GLE1: variants seen among roughly 807,000 people sequenced by gnomAD.
GLE1 encodes GLE1 RNA export mediator, also known as mRNA export factor GLE1.
A neutral mutation model predicts 97.3 loss-of-function variants in GLE1; 78 were observed. The observed-to-expected ratio is 0.80, with a 90% confidence interval of 0.67 to 0.97. GLE1 has a LOEUF of 0.97. GLE1 is among the 50% of genes least tolerant of loss of function. GLE1 has a pLI of 0.00. For missense variants in GLE1, 753 were observed against 857.5 expected (o/e 0.88, Z 1.52); for synonymous variants, 302 against 313.4 (o/e 0.96, Z 0.39).
intron 3 of GLE1, among the ~76,000 whole-genome samples, chr9:128,518,243 A>G (rs1302056889): frequency 6.6e-6 from 1 of 151,828 alleles, no homozygotes; most frequent in African/African-American, 2.4e-5. Context: ...ATTGTCAGAC[A>G]ATTTGCAGAT....
Position 128,527,646 on chromosome 9 carries a change from C to T in GLE1, c.1312+121C>T, listed in dbSNP as rs180760459. 177 of 735,816 alleles carry T rather than the reference C, an allele frequency of 2.4e-4. No homozygotes were observed. In the African/African-American group the frequency reaches 2.4e-3, roughly 10 times the overall value. The allele number at this position is 735,816 out of a possible 1,614,324, so 45.6% of individuals were successfully genotyped here. A position where few individuals can be genotyped will look rare whatever the true frequency, so the allele number is the denominator to read the frequency against. ...TTCAAACAAATGTTTACAGTTGGAT[C>T]GGGTACATATAAGTGACATACATCT... On this transcript the variant is annotated intron_variant, in intron 9 of 15. Coordinates refer to ENST00000309971, the MANE Select transcript of GLE1 (RefSeq NM_001003722.2).
intron 3 of GLE1, 56 bp from the exon 4 acceptor site, chr9:128,522,612 G>GCACTCCAGT (rs1396266481): frequency 8.5e-6 from 13 of 1,521,328 alleles, no homozygotes; most frequent in Non-Finnish European, 1.1e-5. Flanking sequence ...ACTCCAGCCT[G>GCACTCCAGT]GCGACAGAGA....
At position 128,533,954 on chromosome 9, in the gene GLE1, A is replaced by G. The variant is rs749952712; in HGVS notation, c.1646+3A>G. Reference sequence around the variant, plus strand: ...ATGGCTTTGGAAGACTATCAGAGGTAAAGTTGTTTTTCTCCCTACTCACTA... The same window carrying G: ...ATGGCTTTGGAAGACTATCAGAGGTGAAGTTGTTTTTCTCCCTACTCACTA... On this transcript the variant is annotated splice_donor_region_variant and intron_variant, in intron 11 of 15. Coordinates refer to ENST00000309971, the MANE Select transcript of GLE1 (RefSeq NM_001003722.2). 2 of 1,596,712 alleles carry G rather than the reference A, an allele frequency of 1.3e-6. No individual in the cohort carries two copies. Among genetic ancestry groups the G allele is most frequent in the Non-Finnish European group, 1.7e-6 (2 of 1,164,174 alleles).
intron 12 of GLE1, among the ~76,000 whole-genome samples, chr9:128,537,291 A>G (rs1225078464): frequency 6.6e-6 from 1 of 151,262 alleles, no homozygotes; most frequent in Non-Finnish European, 1.5e-5. Flanking sequence ...CGTCTCTACT[A>G]AAAATACAAA....
At position 128,524,072 on chromosome 9, in the gene GLE1, C is replaced by CTTTTT. The variant is rs67466089; in HGVS notation, c.897+247_897+251dup. Among the ~76,000 whole-genome samples, 158 of 69,982 alleles carry CTTTTT rather than the reference C, an allele frequency of 2.3e-3. 1 individual carries two copies. Among genetic ancestry groups the CTTTTT allele is most frequent in the African/African-American group, 8.8e-3 (122 of 13,788 alleles). The allele number at this position is 69,982 out of a possible 152,430, so 45.9% of individuals were successfully genotyped here. A position where few individuals can be genotyped will look rare whatever the true frequency, so the allele number is the denominator to read the frequency against. On this transcript the variant is annotated intron_variant, in intron 6 of 15. Transcript: ENST00000309971. ...TTTTTATACCTGCTTATTCTGGAGTCTTTTTTTTTTTTTTTTTTTTTTTTT... is the reference window on the plus strand; with the variant it reads ...TTTTTATACCTGCTTATTCTGGAGTCTTTTTTTTTTTTTTTTTTTTTTTTTTTTTT...
In GLE1 at chr9:128,504,733, C is replaced by A; in HGVS notation, c.-73C>A. On this transcript the variant is annotated 5_prime_UTR_variant, in exon 1 of 16. Coordinates refer to ENST00000309971, the MANE Select transcript of GLE1 (RefSeq NM_001003722.2). ...GTCCCGGAAGCAGAAGCCTGTGTGG[C>A]CTTCCCGGCGGCTGATTCGAGGGCT... 2 of 1,024,530 alleles carry A rather than the reference C, an allele frequency of 2.0e-6. No individual in the cohort carries two copies. The highest frequency in any genetic ancestry group is 2.0e-4 in the Middle Eastern group (1 of 4,906). The allele number at this position is 1,024,530 out of a possible 1,614,324, so 63.5% of individuals were successfully genotyped here. A position where few individuals can be genotyped will look rare whatever the true frequency, so the allele number is the denominator to read the frequency against.
At chr9:128,540,190 C>T (rs1847844360) in intron 14 of GLE1, 85 bp from the exon 15 acceptor site, 2 of 947,654 alleles carry the variant, frequency 2.1e-6, no homozygotes, top group Non-Finnish European at 3.5e-6. Flanking sequence ...CGCTGCACTC[C>T]AGCCTAGGTG....
chr9:128,506,087 C>G (rs908354214), intron 1 of GLE1, among the ~76,000 whole-genome samples: 1 of 152,044 alleles, frequency 6.6e-6, no homozygotes, highest in Non-Finnish European at 1.5e-5. Context: ...GGCTCAGGCC[C>G]GTAATCCCAG....
At chr9:128,522,635 T>TG in intron 3 of GLE1, 33 bp from the exon 4 acceptor site, 1 of 1,266,698 alleles carries the variant, frequency 7.9e-7, no homozygotes, top group South Asian at 1.4e-5. Context: ...GATTCCATCT[T>TG]AAAAAAAAAA....
At chr9:128,506,447 T>G (rs190605603) in intron 1 of GLE1, among the ~76,000 whole-genome samples, 1 of 152,358 alleles carries the variant, frequency 6.6e-6, no homozygotes, top group East Asian at 1.9e-4. Context: ...CTCATTAAGT[T>G]GGTTCCTGTG....
chr9:128,520,326 GTGTGTATA>G (rs57571577), intron 3 of GLE1, among the ~76,000 whole-genome samples: 2,775 of 147,072 alleles, frequency 0.019, 65 homozygotes, highest in African/African-American at 0.06. Context: ...ATATGTATAT[GTGTGTATA>G]TGTGTATATG....
intron 2 of GLE1, among the ~76,000 whole-genome samples, chr9:128,510,830 GT>G (rs370393212): frequency 0.034 from 4,272 of 127,452 alleles, 158 homozygotes; most frequent in African/African-American, 0.099. Context: ...TGCCTGGCCA[GT>G]TTTTTTTTTT....
intron 3 of GLE1, among the ~76,000 whole-genome samples, chr9:128,516,177 C>T (rs963798717): frequency 2.6e-5 from 4 of 152,082 alleles, no homozygotes; most frequent in African/African-American, 7.2e-5. Flanking sequence ...AGGCTGGTCT[C>T]GAACTCCTGA....
chr9:128,538,566 G>T (rs1847792754), intron 13 of GLE1, among the ~76,000 whole-genome samples: 2 of 152,298 alleles, frequency 1.3e-5, no homozygotes, highest in South Asian at 4.1e-4. Flanking sequence ...GGAGGCCGAG[G>T]TGGTTGGATT....
chr9:128,527,185 A>G lies in GLE1; in HGVS notation c.1136A>G (p.Gln379Arg), dbSNP rs769350240. ...GPGGKQNEDL[Q>R]VKVQDITMQW... ...CCTCTCTTTTATTTCTCAGACCTCC[A>G]GGTGAAGGTACAAGACATTACAATG... The change falls in exon 8 of 16, where the codon CAG becomes CGG. Residue 379 changes from glutamine (Q) to arginine (R), a missense_variant. Transcript: ENST00000309971. The G allele has an allele frequency of 6.4e-7, 1 of 1,567,112 alleles. No homozygotes were observed. Among genetic ancestry groups the G allele is most frequent in the South Asian group, 1.1e-5 (1 of 90,204 alleles).
chr9:128,536,701 G>A, intron 12 of GLE1: 1 of 500,068 alleles, frequency 2.0e-6, no homozygotes, highest in South Asian at 2.0e-5. Context: ...TTGTAACAGA[G>A]TCTACCAGAG....
intron 2 of GLE1, among the ~76,000 whole-genome samples, chr9:128,510,112 C>A (rs1267603711): frequency 6.6e-6 from 1 of 152,106 alleles, no homozygotes; most frequent in African/African-American, 2.4e-5. Context: ...GGATGGAGTG[C>A]AGTGGCATGA....
At chr9:128,510,932 G>A (rs887546833) in intron 2 of GLE1, among the ~76,000 whole-genome samples, 4 of 150,320 alleles carry the variant, frequency 2.7e-5, no homozygotes, top group Non-Finnish European at 5.9e-5. Flanking sequence ...TTGTGGCCAC[G>A]TGTGGTGGCT....
At chr9:128,512,671 T>A (rs905361800) in intron 2 of GLE1, among the ~76,000 whole-genome samples, 1 of 151,616 alleles carries the variant, frequency 6.6e-6, no homozygotes, top group Non-Finnish European at 1.5e-5. Flanking sequence ...ATTGCTGAGG[T>A]CTTTTTTTTT....
Sources: gnomAD v4.1 joint callset for allele counts (sites outside exome capture counted in the v4.1 genomes callset) on GRCh38, gnomAD v4.1.1 for gene constraint, MANE v1.5 for transcripts, NCBI Gene and HGNC (gene_info 2026-07-23, HGNC 2026-07-21) for gene names.